EPS15: variants seen among roughly 807,000 people sequenced by gnomAD.
The protein encoded by EPS15 is epidermal growth factor receptor pathway substrate 15, also known as epidermal growth factor receptor substrate 15.
A neutral mutation model predicts 113.8 loss-of-function variants in EPS15; 72 were observed. That is an observed-to-expected ratio of 0.63 (90% CI 0.52 to 0.77). The LOEUF (loss-of-function observed/expected upper bound fraction) is 0.77. Among genes scored for constraint, EPS15 ranks in the 30% least tolerant of loss-of-function variants. EPS15 has a pLI of 0.00. For synonymous variants in EPS15, 344 were observed against 363.4 expected (o/e 0.95, Z 0.61); for missense variants, 1,048 against 1,045.8 (o/e 1.00, Z -0.03).
chr1:51,488,914 C>T (rs537769840), intron 1 of EPS15, among the ~76,000 whole-genome samples: 1 of 152,276 alleles, frequency 6.6e-6, no homozygotes, highest in South Asian at 2.1e-4. Context: ...TGACTCCTAA[C>T]CCTTCTCATA....
intron 12 of EPS15, among the ~76,000 whole-genome samples, chr1:51,437,918 T>A (rs2148471167): frequency 6.6e-6 from 1 of 152,218 alleles, no homozygotes; most frequent in Admixed American, 6.5e-5. Flanking sequence ...ACTCATCACA[T>A]CCTTATATAT....
chr1:51,462,870 ATTTTT>A (rs34320767), intron 7 of EPS15, among the ~76,000 whole-genome samples: 3 of 111,068 alleles, frequency 2.7e-5, no homozygotes, highest in South Asian at 2.8e-4. Flanking sequence ...AAAAAGTCAG[ATTTTT>A]TTTTTTTTTT....
At chr1:51,359,376 G>T (rs1300497577) in intron 24 of EPS15, among the ~76,000 whole-genome samples, 1 of 150,642 alleles carries the variant, frequency 6.6e-6, no homozygotes, top group Non-Finnish European at 1.5e-5. Flanking sequence ...CCTGGGAGGT[G>T]GAGGTTGCAG....
chr1:51,403,168 GC>G (rs1217163207), intron 17 of EPS15, among the ~76,000 whole-genome samples: 1 of 152,126 alleles, frequency 6.6e-6, no homozygotes, highest in Non-Finnish European at 1.5e-5. Context: ...CTCCTGAGTA[GC>G]TGGGACTACA....
In EPS15 at chr1:51,465,199, G is replaced by A. The variant is rs185204105; in HGVS notation, c.375+62C>T. 12 of 1,013,472 alleles carry A rather than the reference G, an allele frequency of 1.2e-5. No individual in the cohort carries two copies. In the East Asian group the frequency reaches 2.9e-4, roughly 25 times the overall value. 62.8% of individuals were successfully genotyped at this position (1,013,472 alleles called of 1,614,324 possible). ...ATGAAGATAGCAATATATTTCAGAG[G>A]TAGAGAGAGAGTAGATAGGAAGCAA... On this transcript the variant is annotated intron_variant, in intron 6 of 24. Transcript: ENST00000371733.
At chr1:51,373,096 A>C (rs1424919741) in intron 21 of EPS15, 3 of 182,250 alleles carry the variant, frequency 1.6e-5, no homozygotes, top group African/African-American at 7.2e-5. Flanking sequence ...CAAGATTGCC[A>C]ATCAGGATGT....
intron 8 of EPS15, among the ~76,000 whole-genome samples, chr1:51,452,199 T>G (rs1325637017): frequency 6.6e-6 from 1 of 152,078 alleles, no homozygotes; most frequent in East Asian, 1.9e-4. Flanking sequence ...GTTAAATTTT[T>G]TCTTCCAGAG....
chr1:51,365,898 T>C (rs77742485), intron 22 of EPS15, 55 bp downstream of exon 22: 27,699 of 1,226,148 alleles, frequency 0.023, 390 homozygotes, highest in African/African-American at 0.05. Context: ...AGGAGGATTG[T>C]TCTTTTGGTG....
chr1:51,391,807 C>T (rs1230547707), intron 21 of EPS15, among the ~76,000 whole-genome samples: 1 of 152,032 alleles, frequency 6.6e-6, no homozygotes, highest in Non-Finnish European at 1.5e-5. Flanking sequence ...TAGGCCTGGA[C>T]AACATTAAAG....
At chr1:51,464,802 T>A (rs1178442257) in intron 6 of EPS15, among the ~76,000 whole-genome samples, 1 of 152,204 alleles carries the variant, frequency 6.6e-6, no homozygotes, top group Non-Finnish European at 1.5e-5. Context: ...CAAAGCTCAT[T>A]TGATCTGCTA....
At chr1:51,484,542 C>T (rs1166437649) in intron 1 of EPS15, among the ~76,000 whole-genome samples, 4 of 152,076 alleles carry the variant, frequency 2.6e-5, no homozygotes, top group Non-Finnish European at 2.9e-5. Flanking sequence ...AAGTTATCAA[C>T]TAGTAGTCTA....
intron 1 of EPS15, among the ~76,000 whole-genome samples, chr1:51,488,323 C>T (rs984043165): frequency 6.6e-6 from 1 of 151,844 alleles, no homozygotes; most frequent in Non-Finnish European, 1.5e-5. Flanking sequence ...ATATTCATTA[C>T]CTATATCATA....
chr1:51,470,240 A>G (rs1655138651), intron 4 of EPS15, among the ~76,000 whole-genome samples: 1 of 152,242 alleles, frequency 6.6e-6, no homozygotes, highest in Non-Finnish European at 1.5e-5. Flanking sequence ...CTTGCAATGT[A>G]TTATGAGCAA....
At chr1:51,446,168 G>A (rs1653031963) in intron 10 of EPS15, among the ~76,000 whole-genome samples, 1 of 152,046 alleles carries the variant, frequency 6.6e-6, no homozygotes, top group Non-Finnish European at 1.5e-5. Context: ...GTGGATTGGC[G>A]GCAGACAAAC....
At chr1:51,437,083 C>T (rs1052025352) in intron 12 of EPS15, among the ~76,000 whole-genome samples, 1 of 152,050 alleles carries the variant, frequency 6.6e-6, no homozygotes, top group Admixed American at 6.6e-5. Flanking sequence ...GAAGAAATCA[C>T]AGAAAAAAAT....
chr1:51,408,748 C>G (rs1411394480), intron 14 of EPS15, among the ~76,000 whole-genome samples: 1 of 151,406 alleles, frequency 6.6e-6, no homozygotes, highest in Non-Finnish European at 1.5e-5. Flanking sequence ...TCACCTCAGC[C>G]TCTCGAGTAG....
chr1:51,493,133 G>A (rs958988091), intron 1 of EPS15, among the ~76,000 whole-genome samples: 9 of 152,254 alleles, frequency 5.9e-5, no homozygotes, highest in Non-Finnish European at 1.0e-4. Context: ...AGGCCAAGGC[G>A]GGCGAATCAT....
chr1:51,403,442 C>A lies in EPS15; in HGVS notation c.1768G>T (p.Asp590Tyr). ...AVTEKVCSEL[D>Y]NNRHSKEEDP... is the part of the protein sequence containing the mutation. ...ACCTCTTTTGAATGTCTATTATTGT[C>A]GAGTTCAGAACAAACTTTTTCAGTA... Residue 590 changes from aspartate (D) to tyrosine (Y), a missense_variant, in exon 17 of 25, where the codon GAC (aspartate) becomes TAC (tyrosine). Asp to Tyr is a radical substitution (Grantham distance 160). Transcript: ENST00000371733. The A allele has an allele frequency of 6.2e-7, 1 of 1,602,278 alleles. No homozygotes were observed. The highest frequency in any genetic ancestry group is 1.1e-5 in the South Asian group (1 of 89,978).
intron 11 of EPS15, among the ~76,000 whole-genome samples, chr1:51,444,357 T>A (rs1378343346): frequency 6.6e-6 from 1 of 152,216 alleles, no homozygotes; most frequent in Non-Finnish European, 1.5e-5. Context: ...CACTTCTAGC[T>A]GTTCAAATAT....
Sources: allele counts gnomAD v4.1 joint callset (sites outside exome capture counted in the v4.1 genomes callset), GRCh38; gene constraint gnomAD v4.1.1; transcripts MANE v1.5; gene names NCBI Gene and HGNC (gene_info 2026-07-23, HGNC 2026-07-21).